The following NKD2 variants were observed in gnomAD, a reference collection of about 807,000 sequenced individuals.
The protein encoded by NKD2 is NKD inhibitor of Wnt signaling pathway 2, also known as protein naked cuticle homolog 2.
Under a neutral mutation model 34.8 loss-of-function variants are expected in NKD2, and 43 were observed. The observed-to-expected ratio is 1.24, with a 90% CI of 0.97 to 1.60. The LOEUF is 1.60. Ranked by LOEUF, NKD2 falls within the 40% of genes most tolerant of loss-of-function variation. The probability of loss-of-function intolerance (pLI) is 0.00; values close to 1 mark genes in which losing one functional copy is unlikely to be tolerated. For synonymous variants in NKD2, 278 were observed against 265.1 expected, an observed-to-expected ratio of 1.05 and a Z score of -0.47; for missense variants, 675 against 627.1, an observed-to-expected ratio of 1.08 and a Z score of -0.82.
chr5:1,021,980 G>T (rs1015601172), intron 3 of NKD2, among the ~76,000 whole-genome samples: 2 of 152,112 alleles, frequency 1.3e-5, no homozygotes, highest in African/African-American at 4.8e-5. Context: ...CCAACCCCTG[G>T]CCTCCTTCCC....
At chr5:1,034,670 C>T (rs757886802) in intron 6 of NKD2, 86 bp from the exon 7 acceptor site, 22 of 1,341,042 alleles carry the variant, frequency 1.6e-5, no homozygotes, top group Admixed American at 7.3e-5. Context: ...TAGGAAGGGG[C>T]GGGGGCTGGA....
intron 3 of NKD2, among the ~76,000 whole-genome samples, chr5:1,012,517 C>G (rs73024818): frequency 0.013 from 1,973 of 152,334 alleles, 24 homozygotes; most frequent in East Asian, 0.045. Flanking sequence ...TGGAAGGGAG[C>G]CAGGAGGACC....
At chr5:1,037,576 G>GTC in intron 9 of NKD2, 1 of 1,535,906 alleles carries the variant, frequency 6.5e-7, no homozygotes, top group Non-Finnish European at 8.7e-7. Flanking sequence ...TGGGGACAAG[G>GTC]CTAGAGGAGT....
intron 3 of NKD2, among the ~76,000 whole-genome samples, chr5:1,020,598 C>T (rs1353568918): frequency 1.3e-5 from 2 of 151,964 alleles, no homozygotes; most frequent in African/African-American, 2.4e-5. Flanking sequence ...GTCCCTCTCT[C>T]CAAGCGTGGG....
intron 9 of NKD2, among the ~76,000 whole-genome samples, chr5:1,037,067 G>A (rs1579279550): frequency 6.9e-6 from 1 of 145,488 alleles, no homozygotes; most frequent in Non-Finnish European, 1.5e-5. Flanking sequence ...GTGGATGGCA[G>A]CCAGGCAGTG....
At position 1,037,853 on chromosome 5, in the gene NKD2, A is replaced by C. The variant is rs761807323; in HGVS notation, c.836A>C (p.His279Pro). ...AKQEPQGRAS[H>P]LQARSRSQEP... is the part of the protein sequence containing the mutation. ...CAGGAGCCCCAGGGCAGGGCCTCGC[A>C]CCTCCAGGCCCGGTCCCGCTCCCAG... Residue 279 changes from histidine (H) to proline (P), a missense_variant, in exon 10 of 10, where the codon CAC becomes CCC. His to Pro is a moderately conservative substitution (Grantham distance 77, BLOSUM62 -2). Transcript: ENST00000296849. The C allele has an allele frequency of 6.3e-7, 1 of 1,595,226 alleles. No homozygotes were observed. The highest frequency in any genetic ancestry group is 8.5e-7 in the Non-Finnish European group (1 of 1,174,476).
intron 3 of NKD2, among the ~76,000 whole-genome samples, chr5:1,017,236 G>A (rs773866867): frequency 1.2e-4 from 19 of 152,158 alleles, no homozygotes; most frequent in Non-Finnish European, 1.6e-4. Context: ...AGCGTCCTGG[G>A]GTCCTCAGAG....
In NKD2 at chr5:1,038,679, A is replaced by T. The variant is rs1021841358; in HGVS notation, c.*306A>T. ...AACCCATAAAACCTGCTTTGATTCC[A>T]AAATGAGGCCCTGGAGTGCGCAAGG... is the stretch of plus-strand genomic sequence containing the variant. On this transcript the variant is annotated 3_prime_UTR_variant, in exon 10 of 10. Transcript: ENST00000296849. The surrounding 1 kb of genome is among the most constrained non-coding windows in gnomAD (Gnocchi z 4.5). 2 of 614,654 alleles carry T rather than the reference A, an allele frequency of 3.3e-6. No individual in the cohort carries two copies. The highest frequency in any genetic ancestry group is 5.8e-6 in the Non-Finnish European group (2 of 343,980). The allele number at this position is 614,654 out of a possible 1,614,324, so 38.1% of individuals were successfully genotyped here. A position where few individuals can be genotyped will look rare whatever the true frequency, so the allele number is the denominator to read the frequency against.
Position 1,035,381 on chromosome 5 carries a change from C to G in NKD2, c.575-8C>G. 6.4e-7 allele frequency: 1 copy of G among 1,554,950 alleles called. No individual in the cohort carries two copies. The highest frequency in any genetic ancestry group is 8.7e-7 in the Non-Finnish European group (1 of 1,148,922). ...AGGGAGTGAGTAATGGCAGGACCCC[C>G]CTTTCAGACCGGGAGCCCACCCGTT... is the stretch of plus-strand genomic sequence containing the variant. On this transcript the variant is annotated splice_region_variant and splice_polypyrimidine_tract_variant and intron_variant, in intron 7 of 9. Coordinates refer to ENST00000296849, the MANE Select transcript of NKD2 (RefSeq NM_033120.4).
intron 8 of NKD2, 170 bp from the exon 9 acceptor site, chr5:1,036,087 G>A (rs543477489): frequency 1.3e-5 from 17 of 1,327,900 alleles, no homozygotes; most frequent in African/African-American, 1.0e-4. Context: ...TTCTCTGGAC[G>A]GCACTTGACT....
chr5:1,031,404 C>T (rs910794812), intron 3 of NKD2, among the ~76,000 whole-genome samples: 1 of 152,140 alleles, frequency 6.6e-6, no homozygotes, highest in African/African-American at 2.4e-5. Context: ...GGGCTTTCCA[C>T]GGCTTTCCAG....
chr5:1,018,919 G>C (rs539219980), intron 3 of NKD2, among the ~76,000 whole-genome samples: 2 of 152,318 alleles, frequency 1.3e-5, no homozygotes, highest in East Asian at 3.9e-4. Flanking sequence ...AAAGGGCAGA[G>C]AGCACCATCC....
intron 3 of NKD2, among the ~76,000 whole-genome samples, chr5:1,010,563 A>C (rs1178123728): frequency 1.3e-5 from 2 of 152,176 alleles, no homozygotes; most frequent in Admixed American, 6.5e-5. Flanking sequence ...GTGCTTCCTG[A>C]GAGTGACCAT....
chr5:1,029,235 C>A (rs575144666), intron 3 of NKD2, among the ~76,000 whole-genome samples: 1 of 152,118 alleles, frequency 6.6e-6, no homozygotes, highest in Admixed American at 6.5e-5. Flanking sequence ...TGCGTTCGAG[C>A]GCTGAGAATT....
intron 5 of NKD2, among the ~76,000 whole-genome samples, chr5:1,033,904 G>A (rs1756746948): frequency 1.3e-5 from 2 of 152,248 alleles, no homozygotes; most frequent in Admixed American, 1.3e-4. Flanking sequence ...GTCCAGTCAA[G>A]ATTTCTGGAA....
At chr5:1,022,254 T>G (rs1756229221) in intron 3 of NKD2, among the ~76,000 whole-genome samples, 1 of 128,072 alleles carries the variant, frequency 7.8e-6, no homozygotes, top group Admixed American at 7.7e-5. Context: ...TCCCACCCGC[T>G]GTGGGCGTCT....
At chr5:1,020,513 A>T (rs1756132118) in intron 3 of NKD2, among the ~76,000 whole-genome samples, 1 of 151,992 alleles carries the variant, frequency 6.6e-6, no homozygotes, top group Non-Finnish European at 1.5e-5. Context: ...TTCCTGAGCC[A>T]AGGTGTGGGC....
Position 1,038,337 on chromosome 5 carries a change from C to T in NKD2, c.1320C>T (p.His440=), listed in dbSNP as rs2150754428. 1 of 1,521,530 alleles carries T rather than the reference C, an allele frequency of 6.6e-7. No homozygotes were observed. The highest frequency in any genetic ancestry group is 8.8e-7 in the Non-Finnish European group (1 of 1,140,134). 94.3% of individuals were successfully genotyped at this position (1,521,530 alleles called of 1,614,324 possible). ...AGCACCACCACCACCACGAGCACCA[C>T]CACCACCACCACCACCACCACTTCC... ...RHEHHHHHEH[H]HHHHHHHFHP... is the part of the protein sequence containing the mutation. Residue 440 remains histidine, a synonymous_variant, in exon 10 of 10, where the codon CAC becomes CAT. Transcript: ENST00000296849. This position sits in a 1 kb window ranked among gnomAD's most constrained non-coding sequence, Gnocchi z 4.5.
chr5:1,009,350 A>AC lies in NKD2; in HGVS notation c.62-126dup, dbSNP rs1308661819. ...CCGCGGGTCTCCAGGAGCGCGCGGGACCCCCACGCCTGCCCCTGCGCGGTC... is the reference window on the plus strand; with the variant it reads ...CCGCGGGTCTCCAGGAGCGCGCGGGACCCCCCACGCCTGCCCCTGCGCGGTC... On this transcript the variant is annotated intron_variant, in intron 2 of 9. Transcript: ENST00000296849. The surrounding 1 kb of genome is among the most constrained non-coding windows in gnomAD (Gnocchi z 6.9). 2 of 640,076 alleles carry AC rather than the reference A, an allele frequency of 3.1e-6. No homozygotes were observed. The highest frequency in any genetic ancestry group is 2.0e-5 in the African/African-American group (1 of 50,586). 39.6% of individuals were successfully genotyped at this position (640,076 alleles called of 1,614,324 possible).
Sources: gnomAD v4.1 joint callset for allele counts (sites outside exome capture counted in the v4.1 genomes callset) on GRCh38, gnomAD v4.1.1 for gene constraint, Gnocchi (gnomAD v3.1) non-coding constraint, MANE v1.5 for transcripts, NCBI Gene and HGNC (gene_info 2026-07-23, HGNC 2026-07-21) for gene names.